The following USP34 variants were observed in gnomAD, a reference collection of about 807,000 sequenced individuals.
USP34 encodes ubiquitin specific peptidase 34, also known as ubiquitin carboxyl-terminal hydrolase 34.
In USP34, 70 loss-of-function variants were observed where a neutral mutation model predicts 460.3. The observed-to-expected ratio is 0.15, with a 90% CI of 0.13 to 0.19. USP34 has a LOEUF of 0.19. Ranked by LOEUF, USP34 falls within the 10% of genes least tolerant of loss-of-function variation. The pLI is 1.00. For synonymous variants in USP34, 1,647 were observed against 1,405.3 expected (o/e 1.17, Z -3.85); for missense variants, 3,985 against 4,236.2 (o/e 0.94, Z 1.65).
chr2:61,383,791 T>C (rs1693050814), intron 5 of USP34, among the ~76,000 whole-genome samples: 3 of 152,160 alleles, frequency 2.0e-5, no homozygotes, highest in Non-Finnish European at 2.9e-5. Context: ...TATTATCAAT[T>C]ATGAAAAGAG....
chr2:61,336,534 G>C (rs1294663332), intron 18 of USP34, among the ~76,000 whole-genome samples: 1 of 151,404 alleles, frequency 6.6e-6, no homozygotes, highest in East Asian at 1.9e-4. Flanking sequence ...CTCAAGCTGG[G>C]TGCAGTGGCT....
At chr2:61,426,009 T>TAC (rs1277209899) in intron 1 of USP34, among the ~76,000 whole-genome samples, 2 of 152,008 alleles carry the variant, frequency 1.3e-5, no homozygotes, top group African/African-American at 4.8e-5. Flanking sequence ...CAGACATTTC[T>TAC]ACACACACCC....
rs1403677378 is a variant in USP34 at position 61,232,435 on chromosome 2, A to T, written c.7113+17T>A. The T allele has an allele frequency of 1.5e-5, 23 of 1,585,598 alleles. No homozygotes were observed. The highest frequency in any genetic ancestry group is 2.0e-5 in the Non-Finnish European group (23 of 1,163,446). On this transcript the variant is annotated intron_variant, in intron 58 of 79. Transcript: ENST00000398571. The stretch of plus-strand genomic sequence containing the variant: ...CTTCTTTTCCAAATAATTTTTTTCA[A>T]ACATATTTTTCCTTACCTGTCTCAC...
intron 10 of USP34, among the ~76,000 whole-genome samples, chr2:61,363,491 C>T (rs1414527926): frequency 6.6e-6 from 1 of 152,192 alleles, no homozygotes; most frequent in Non-Finnish European, 1.5e-5. Flanking sequence ...TTTACTGCTC[C>T]TGTATAGCAT....
intron 2 of USP34, among the ~76,000 whole-genome samples, chr2:61,416,242 C>G (rs1182191768): frequency 6.6e-6 from 1 of 152,212 alleles, no homozygotes; most frequent in Non-Finnish European, 1.5e-5. Context: ...GAACCACATA[C>G]ATTTAACCTA....
chr2:61,201,219 T>C (rs969362638), intron 75 of USP34, among the ~76,000 whole-genome samples: 25 of 145,066 alleles, frequency 1.7e-4, no homozygotes, highest in South Asian at 4.6e-4. Flanking sequence ...AAGTTTTTTT[T>C]TTTTTTTTTT....
chr2:61,266,961 T>C (rs375467473), intron 41 of USP34, among the ~76,000 whole-genome samples: 2 of 152,126 alleles, frequency 1.3e-5, no homozygotes, highest in South Asian at 2.1e-4. Context: ...GAGTCTGGAG[T>C]TGGGGCAACT....
intron 1 of USP34, among the ~76,000 whole-genome samples, chr2:61,459,280 T>C (rs1695530124): frequency 6.6e-6 from 1 of 152,232 alleles, no homozygotes; most frequent in Non-Finnish European, 1.5e-5. Context: ...GCTACTTCTT[T>C]GCTGTGTGAC....
At chr2:61,239,698 C>G (rs1449609396) in intron 53 of USP34, among the ~76,000 whole-genome samples, 1 of 152,046 alleles carries the variant, frequency 6.6e-6, no homozygotes, top group Non-Finnish European at 1.5e-5. Flanking sequence ...GGCTTTTTAC[C>G]ATTAACACAT....
At chr2:61,206,486 GC>G (rs1687123676) in intron 71 of USP34, among the ~76,000 whole-genome samples, 1 of 152,226 alleles carries the variant, frequency 6.6e-6, no homozygotes, top group Non-Finnish European at 1.5e-5. Flanking sequence ...TTTACAAAGT[GC>G]CCAGCTTGTT....
chr2:61,219,415 A>T (rs1222521531), intron 67 of USP34, among the ~76,000 whole-genome samples: 1 of 152,194 alleles, frequency 6.6e-6, no homozygotes, highest in Non-Finnish European at 1.5e-5. Context: ...TCACACCTGT[A>T]ATCCCAACAC....
At chr2:61,375,552 G>A (rs542442382) in intron 8 of USP34, among the ~76,000 whole-genome samples, 2 of 152,100 alleles carry the variant, frequency 1.3e-5, no homozygotes, top group South Asian at 2.1e-4. Context: ...GGCGGATCAC[G>A]AGGTCAGGAG....
At chr2:61,367,718 C>A (rs1451941778) in intron 10 of USP34, among the ~76,000 whole-genome samples, 3 of 151,616 alleles carry the variant, frequency 2.0e-5, no homozygotes, top group African/African-American at 7.3e-5. Flanking sequence ...AAAACAAATT[C>A]CTTAGATTAA....
intron 3 of USP34, among the ~76,000 whole-genome samples, chr2:61,404,792 T>A (rs1053511892): frequency 6.6e-6 from 1 of 152,194 alleles, no homozygotes; most frequent in Non-Finnish European, 1.5e-5. Flanking sequence ...ATTAATATAT[T>A]ACCACATAAT....
intron 23 of USP34, among the ~76,000 whole-genome samples, chr2:61,317,046 A>T (rs1298806724): frequency 6.6e-6 from 1 of 152,200 alleles, no homozygotes; most frequent in Non-Finnish European, 1.5e-5. Flanking sequence ...TATCTGAGAC[A>T]AATCAATCTT....
chr2:61,267,318 A>G (rs901881599), intron 41 of USP34, among the ~76,000 whole-genome samples: 1 of 152,204 alleles, frequency 6.6e-6, no homozygotes, highest in African/African-American at 2.4e-5. Flanking sequence ...CCAAAAACAG[A>G]AATTTTTGAA....
chr2:61,359,779 G>GTTTTT (rs35258583), intron 10 of USP34, among the ~76,000 whole-genome samples: 53 of 86,858 alleles, frequency 6.1e-4, no homozygotes, highest in South Asian at 1.0e-3. Flanking sequence ...GCCCACAGTT[G>GTTTTT]TTTTTTTTTT....
At chr2:61,365,944 C>T (rs945637362) in intron 10 of USP34, among the ~76,000 whole-genome samples, 7 of 150,186 alleles carry the variant, frequency 4.7e-5, no homozygotes, top group African/African-American at 1.7e-4. Context: ...CTGGGAACAC[C>T]TATTTATTTA....
intron 29 of USP34, among the ~76,000 whole-genome samples, chr2:61,298,572 A>AAAAAAAAAAAC (rs1690115222): frequency 3.8e-5 from 5 of 130,154 alleles, no homozygotes; most frequent in African/African-American, 5.7e-5. Context: ...AAAAAAAAAA[A>AAAAAAAAAAAC]TCTGCTGAAA....
Sources: gnomAD v4.1 joint callset for allele counts (sites outside exome capture counted in the v4.1 genomes callset) on GRCh38, gnomAD v4.1.1 for gene constraint, MANE v1.5 for transcripts, NCBI Gene and HGNC (gene_info 2026-07-23, HGNC 2026-07-21) for gene names.